Variants in SCHIP1 observed in about 807,000 individuals in gnomAD.
SCHIP1 encodes the protein schwannomin-interacting protein 1.
SCHIP1 carries 8 observed loss-of-function variants against 29.7 expected under a neutral mutation model. The ratio of observed to expected loss-of-function variants is 0.27; its 90% CI spans 0.16 to 0.49. The LOEUF (loss-of-function observed/expected upper bound fraction) is 0.49. Among genes scored for constraint, SCHIP1 ranks in the 20% least tolerant of loss-of-function variants. The pLI, the probability that SCHIP1 is intolerant of heterozygous loss-of-function variation, is 0.99. For missense variants in SCHIP1, 193 were observed against 294.6 expected (o/e 0.66, Z 2.52); for synonymous variants, 76 against 94.9 (o/e 0.80, Z 1.16).
chr3:159,382,091 CT>C, the SCHIP1 span, among the ~76,000 whole-genome samples: 346 of 143,570 alleles, frequency 2.4e-3, no homozygotes, highest in Admixed American at 2.4e-3. Context: ...GCCACACTTA[CT>C]TTTTTTTTTT....
chr3:159,859,406 A>C (rs1411501542), intron 1 of SCHIP1, among the ~76,000 whole-genome samples: 2 of 152,244 alleles, frequency 1.3e-5, no homozygotes, highest in Admixed American at 1.3e-4. Flanking sequence ...GACTCCTCAC[A>C]CTGTAATGCT....
chr3:159,572,792 G>T, the SCHIP1 span, among the ~76,000 whole-genome samples: 1 of 152,124 alleles, frequency 6.6e-6, no homozygotes, highest in Non-Finnish European at 1.5e-5. Flanking sequence ...ATGAATCTGG[G>T]TGCTCCTGTA....
the SCHIP1 span, among the ~76,000 whole-genome samples, chr3:159,351,582 T>A: frequency 6.1e-4 from 93 of 152,266 alleles, no homozygotes; most frequent in Middle Eastern, 3.4e-3. Flanking sequence ...TATCTTATTT[T>A]AAAATTTTTA....
At chr3:159,857,113 G>A (rs762310042) in intron 1 of SCHIP1, among the ~76,000 whole-genome samples, 63 of 152,192 alleles carry the variant, frequency 4.1e-4, no homozygotes, top group Admixed American at 1.0e-3. Flanking sequence ...GAATTAGCCT[G>A]GTCGGTCTTA....
At chr3:159,688,826 T>C in the SCHIP1 span, among the ~76,000 whole-genome samples, 1 of 152,242 alleles carries the variant, frequency 6.6e-6, no homozygotes, top group African/African-American at 2.4e-5. Context: ...GGCTAGCCAG[T>C]TTTCCCAACA....
the SCHIP1 span, among the ~76,000 whole-genome samples, chr3:159,590,145 A>G: frequency 2.0e-5 from 3 of 152,102 alleles, no homozygotes; most frequent in African/African-American, 4.8e-5. Context: ...GGGTGGGCAG[A>G]TACATGACCA....
At chr3:159,423,615 C>T in the SCHIP1 span, among the ~76,000 whole-genome samples, 4 of 149,206 alleles carry the variant, frequency 2.7e-5, no homozygotes, top group Admixed American at 2.7e-4. Context: ...CTGTAGGTTC[C>T]ACCTCTGGGG....
At chr3:159,635,169 C>A in the SCHIP1 span, among the ~76,000 whole-genome samples, 1 of 152,160 alleles carries the variant, frequency 6.6e-6, no homozygotes, top group South Asian at 2.1e-4. Flanking sequence ...TCCCAATGAA[C>A]CTGTTCTCTT....
chr3:159,817,404 C>G, the SCHIP1 span, among the ~76,000 whole-genome samples: 1 of 152,122 alleles, frequency 6.6e-6, no homozygotes, highest in Non-Finnish European at 1.5e-5. Context: ...ACAAAGCAAC[C>G]TGGACACTGA....
At chr3:159,706,452 G>A in the SCHIP1 span, among the ~76,000 whole-genome samples, 1 of 152,230 alleles carries the variant, frequency 6.6e-6, no homozygotes. Context: ...AGTTGAAGTT[G>A]TCTGCAAACT....
chr3:159,704,919 T>TCTTTCTTTC, the SCHIP1 span, among the ~76,000 whole-genome samples: 1 of 143,246 alleles, frequency 7.0e-6, no homozygotes, highest in Non-Finnish European at 1.5e-5. Context: ...TTTCTTTCTT[T>TCTTTCTTTC]CTTTCTTTCT....
At chr3:159,647,648 G>A in the SCHIP1 span, among the ~76,000 whole-genome samples, 11 of 152,170 alleles carry the variant, frequency 7.2e-5, no homozygotes, top group East Asian at 1.7e-3. Flanking sequence ...AGCCATTATC[G>A]CTAATATTCT....
the SCHIP1 span, among the ~76,000 whole-genome samples, chr3:159,351,028 A>G: frequency 6.6e-6 from 1 of 152,340 alleles, no homozygotes; most frequent in Admixed American, 6.5e-5. Flanking sequence ...ATATCTGCAC[A>G]GTATTTTGAA....
the SCHIP1 span, among the ~76,000 whole-genome samples, chr3:159,555,569 T>G: frequency 6.6e-6 from 1 of 151,484 alleles, no homozygotes; most frequent in Non-Finnish European, 1.5e-5. Flanking sequence ...ATGAGCAAAT[T>G]CTCTCTCTCT....
At chr3:159,314,618 T>C in the SCHIP1 span, among the ~76,000 whole-genome samples, 2 of 152,316 alleles carry the variant, frequency 1.3e-5, no homozygotes, top group East Asian at 3.9e-4. Context: ...TGGCTACCAT[T>C]TTGTTTCCAA....
the SCHIP1 span, among the ~76,000 whole-genome samples, chr3:159,353,155 A>G: frequency 6.6e-6 from 1 of 152,232 alleles, no homozygotes; most frequent in East Asian, 1.9e-4. Context: ...TTGAGCAAGC[A>G]TGGTGGATCA....
the SCHIP1 span, among the ~76,000 whole-genome samples, chr3:159,552,122 T>C: frequency 7.0e-6 from 1 of 141,848 alleles, no homozygotes; most frequent in South Asian, 2.4e-4. Flanking sequence ...CACTGCAGCC[T>C]CCGCCTCCCA....
exon 1 of SCHIP1, chr3:159,840,110 G>A (rs965931572): frequency 1.3e-6 from 2 of 1,529,740 alleles, no homozygotes; most frequent in East Asian, 2.5e-5. Flanking sequence ...GCCCGCCGGT[G>A]GATGCTCCGC....
At chr3:159,602,435 G>A in the SCHIP1 span, among the ~76,000 whole-genome samples, 1 of 152,284 alleles carries the variant, frequency 6.6e-6, no homozygotes, top group Middle Eastern at 3.4e-3. Flanking sequence ...GCCGGGCCAG[G>A]CATGGTGGCT....
Sources: gnomAD v4.1 joint callset for allele counts (sites outside exome capture counted in the v4.1 genomes callset) on GRCh38, gnomAD v4.1.1 for gene constraint, MANE v1.5 for transcripts, NCBI Gene and HGNC (gene_info 2026-07-23, HGNC 2026-07-21) for gene names.